Variants in EYS observed in about 807,000 individuals in gnomAD.
The protein encoded by EYS is protein eyes shut homolog.
Under a neutral mutation model 282.1 loss-of-function variants are expected in EYS, and 250 were observed. That is an observed-to-expected ratio of 0.89 (90% CI 0.80 to 0.98). The LOEUF is 0.98. Among genes scored for constraint, EYS ranks in the 50% least tolerant of loss-of-function variants. The pLI, the probability that EYS is intolerant of heterozygous loss-of-function variation, is 0.00. For missense variants in EYS, 4,016 were observed against 3,709.0 expected (o/e 1.08, Z -2.15); for synonymous variants, 1,355 against 1,282.9 (o/e 1.06, Z -1.20).
At chr6:65,513,740 A>G (rs1333043843) in intron 2 of EYS, among the ~76,000 whole-genome samples, 15 of 151,650 alleles carry the variant, frequency 9.9e-5, no homozygotes, top group African/African-American at 3.6e-4. Flanking sequence ...AAATTCAACA[A>G]CCCTTCATGC....
At chr6:65,618,874 A>G (rs373180712) in intron 2 of EYS, among the ~76,000 whole-genome samples, 2 of 152,040 alleles carry the variant, frequency 1.3e-5, no homozygotes, top group African/African-American at 2.4e-5. Flanking sequence ...GATATGCGGC[A>G]TTATTTCTGA....
At chr6:64,273,653 A>G (rs1231969448) in intron 30 of EYS, among the ~76,000 whole-genome samples, 1 of 151,818 alleles carries the variant, frequency 6.6e-6, no homozygotes. Flanking sequence ...TTAAATACTA[A>G]TAGTCTCACA....
chr6:64,128,566 T>C (rs1773861964), intron 31 of EYS, among the ~76,000 whole-genome samples: 1 of 152,130 alleles, frequency 6.6e-6, no homozygotes, highest in Admixed American at 6.5e-5. Flanking sequence ...GTAAGGGCTG[T>C]CAACATTCCA....
At chr6:64,592,126 A>G (rs896824875) in intron 25 of EYS, 137 bp from the exon 26 acceptor site, 1 of 539,258 alleles carries the variant, frequency 1.9e-6, no homozygotes, top group Admixed American at 3.7e-5. Context: ...TCTGTAAATC[A>G]TATTTCTAAT....
intron 12 of EYS, among the ~76,000 whole-genome samples, chr6:65,288,341 T>C (rs899430059): frequency 6.6e-6 from 1 of 150,706 alleles, no homozygotes; most frequent in Non-Finnish European, 1.5e-5. Context: ...TGTCTGAGTC[T>C]TCCACTGAAT....
At chr6:64,394,881 A>G (rs1210363238) in intron 28 of EYS, among the ~76,000 whole-genome samples, 1 of 152,220 alleles carries the variant, frequency 6.6e-6, no homozygotes, top group East Asian at 1.9e-4. Context: ...CAACCTACTC[A>G]TCTGACAAAG....
chr6:64,478,081 C>A lies in EYS; in HGVS notation c.5645-38729G>T, dbSNP rs186062209. ...CCCTTCTACTTCTGTAGAAAGTTTT[C>A]CACCATTGTGTCCTTAATATACTGA... On this transcript the variant is annotated intron_variant, in intron 26 of 42. Transcript: ENST00000503581. Among the ~76,000 whole-genome samples, 1,089 of 152,086 alleles carry A rather than the reference C, an allele frequency of 7.2e-3. 9 individuals carry two copies. The highest frequency in any genetic ancestry group is 8.1e-3 in the Non-Finnish European group (547 of 67,948).
intron 12 of EYS, among the ~76,000 whole-genome samples, chr6:65,192,500 G>A (rs988164091): frequency 6.6e-6 from 1 of 151,688 alleles, no homozygotes; most frequent in Non-Finnish European, 1.5e-5. Context: ...AGTTCATACT[G>A]TACTAAACAT....
At chr6:65,090,785 A>AGACAAAGTAATT (rs1297794372) in intron 12 of EYS, among the ~76,000 whole-genome samples, 89 of 151,682 alleles carry the variant, frequency 5.9e-4, no homozygotes, top group African/African-American at 2.0e-3. Flanking sequence ...ACAAAGTAAT[A>AGACAAAGTAATT]GACAAAGTAA....
chr6:63,982,984 T>C (rs1767172801), intron 35 of EYS, among the ~76,000 whole-genome samples: 1 of 151,800 alleles, frequency 6.6e-6, no homozygotes, highest in Admixed American at 6.6e-5. Flanking sequence ...TTCTATGGGG[T>C]TTGAAAGTTG....
chr6:65,487,599 C>T (rs1190070358), intron 5 of EYS, among the ~76,000 whole-genome samples: 5 of 152,076 alleles, frequency 3.3e-5, no homozygotes, highest in Admixed American at 1.3e-4. Context: ...AGGATTTTTG[C>T]GTCAATGTTC....
Position 65,485,319 on chromosome 6 carries a change from G to A in EYS, c.862+5275C>T, listed in dbSNP as rs77263611. Among the ~76,000 whole-genome samples, 254 of 152,320 alleles carry A rather than the reference G, an allele frequency of 1.7e-3. 6 individuals are homozygous for A. In the East Asian group the frequency reaches 0.041, roughly 25 times the overall value. ...TTTTAGAAGACTGTCTTCTGATGATGAGCTAGGTGCATAAGCAGAAGGTCT... is the reference window on the plus strand; with the variant it reads ...TTTTAGAAGACTGTCTTCTGATGATAAGCTAGGTGCATAAGCAGAAGGTCT... On this transcript the variant is annotated intron_variant, in intron 5 of 42. Transcript: ENST00000503581.
intron 30 of EYS, among the ~76,000 whole-genome samples, chr6:64,290,522 A>T (rs1328385022): frequency 6.6e-6 from 1 of 152,060 alleles, no homozygotes; most frequent in Non-Finnish European, 1.5e-5. Context: ...TATATCACCA[A>T]ATTTTAGTAG....
chr6:65,119,391 G>A (rs1432858150), intron 12 of EYS, among the ~76,000 whole-genome samples: 1 of 152,146 alleles, frequency 6.6e-6, no homozygotes, highest in Admixed American at 6.5e-5. Context: ...AACACAAAGA[G>A]AAACAGCAAT....
intron 15 of EYS, among the ~76,000 whole-genome samples, chr6:64,927,703 T>C (rs1768563781): frequency 6.6e-6 from 1 of 152,112 alleles, no homozygotes; most frequent in Admixed American, 6.5e-5. Flanking sequence ...CTGATCTATA[T>C]AATTTTTTTA....
At chr6:64,310,474 C>G (rs559416508) in intron 29 of EYS, among the ~76,000 whole-genome samples, 2 of 152,022 alleles carry the variant, frequency 1.3e-5, no homozygotes, top group African/African-American at 2.4e-5. Context: ...GAAACTAATA[C>G]AGAAAAAGAA....
rs368856942 is a variant in EYS, at chr6:64,593,185, A to C, written c.3809T>G (p.Val1270Gly). The C allele has an allele frequency of 8.6e-5, 134 of 1,550,018 alleles. 1 individual carries two copies. The East Asian group carries it at 3.3e-3, about 38-fold the overall frequency. Residue 1270 changes from valine to glycine, a missense_variant, in exon 25 of 43, where the codon GTC (valine) becomes GGC (glycine). Coordinates refer to ENST00000503581, the MANE Select transcript of EYS (RefSeq NM_001142800.2). Reference sequence around the variant, plus strand: ...AGCCTTTATAGATGGAAAGCTGCTGACCAAAGTCTCAGAAGGGGGAATTGT... The same window carrying C: ...AGCCTTTATAGATGGAAAGCTGCTGCCCAAAGTCTCAGAAGGGGGAATTGT... Reference protein sequence around the residue: ...TYTIPPSETLVSSFPSIKATR... With the variant: ...TYTIPPSETLGSSFPSIKATR...
intron 22 of EYS, among the ~76,000 whole-genome samples, chr6:64,759,182 G>T (rs527380303): frequency 6.6e-6 from 1 of 152,002 alleles, no homozygotes; most frequent in Admixed American, 6.6e-5. Flanking sequence ...GTCTGAAGTT[G>T]TAATGAGACA....
At position 65,107,676 on chromosome 6, in the gene EYS, G is replaced by GTT. The variant is rs11430260; in HGVS notation, c.2024-49951_2024-49950dup. Among the ~76,000 whole-genome samples, 97 of 150,112 alleles carry GTT rather than the reference G, an allele frequency of 6.5e-4. 1 individual carries two copies. The highest frequency in any genetic ancestry group is 6.9e-3 in the Middle Eastern group (2 of 290). On this transcript the variant is annotated intron_variant, in intron 12 of 42. Transcript: ENST00000503581. ...TTTATTTTCCCACAGTACAGTGGGTGTTTTTTTTTGTTTGTTTGGTTTTGT... is the reference window on the plus strand; with the variant it reads ...TTTATTTTCCCACAGTACAGTGGGTGTTTTTTTTTTTGTTTGTTTGGTTTTGT...
Sources: allele counts gnomAD v4.1 joint callset (sites outside exome capture counted in the v4.1 genomes callset), GRCh38; gene constraint gnomAD v4.1.1; transcripts MANE v1.5; gene names NCBI Gene and HGNC (gene_info 2026-07-23, HGNC 2026-07-21).